The following OVGP1 variants were observed in gnomAD, a reference collection of about 807,000 sequenced individuals.
OVGP1 encodes the protein oviduct-specific glycoprotein.
Under a neutral mutation model 48.2 loss-of-function variants are expected in OVGP1, and 26 were observed. The observed-to-expected ratio is 0.54, with a 90% confidence interval of 0.40 to 0.75. The LOEUF is 0.75. Ranked by LOEUF, OVGP1 falls within the 30% of genes least tolerant of loss-of-function variation. The pLI is 0.00. For synonymous variants in OVGP1, 294 were observed against 305.7 expected (o/e 0.96, Z 0.40); for missense variants, 791 against 820.6 (o/e 0.96, Z 0.44).
chr1:111,425,453 G>C lies in OVGP1; in HGVS notation c.261-14C>G, dbSNP rs1306133718. 6.2e-7 allele frequency: 1 copy of C among 1,614,080 alleles called. No homozygotes were observed. ...AGCTCTCTGTTCCTATGATGTGAGA[G>C]AGAGGGTTGATGAGCTGGGTTCTTC... is the stretch of plus-strand genomic sequence containing the variant. On this transcript the variant is annotated splice_polypyrimidine_tract_variant and intron_variant, in intron 3 of 10. Transcript: ENST00000369732.
At position 111,424,077 on chromosome 1, in the gene OVGP1, G is replaced by C. The variant is rs935636374; in HGVS notation, c.318-369C>G. 5.9e-5 allele frequency among the ~76,000 whole-genome samples: 9 copies of C among 152,216 alleles called. 1 individual carries two copies. The highest frequency in any genetic ancestry group is 1.3e-4 in the Non-Finnish European group (9 of 68,030). The stretch of plus-strand genomic sequence containing the variant: ...GCAAGGCACTGCCCCTCTCTGTGCT[G>C]TCTCCTCATAGGTAACTACTCAATT... On this transcript the variant is annotated intron_variant, in intron 4 of 10. Coordinates refer to ENST00000369732, the MANE Select transcript of OVGP1 (RefSeq NM_002557.4).
rs541437736 is a variant in OVGP1 at position 111,421,137 on chromosome 1, G to T, written c.903+139C>A. The T allele has an allele frequency of 1.0e-4, 61 of 609,620 alleles. 2 individuals carry two copies. In the East Asian group the frequency reaches 1.5e-3, roughly 15 times the overall value. The allele number at this position is 609,620 out of a possible 1,614,324, so 37.8% of individuals were successfully genotyped here. ...AGAAAAAGAAAATATCCCAGAGAGT[G>T]GGTTTCTCTTGTACTAATAGACCAC... is the stretch of plus-strand genomic sequence containing the variant. On this transcript the variant is annotated intron_variant, in intron 8 of 10. Transcript: ENST00000369732.
At chr1:111,426,240 AAAAGT>A (rs1328002362) in intron 3 of OVGP1, among the ~76,000 whole-genome samples, 192 bp downstream of exon 3, 3 of 152,190 alleles carry the variant, frequency 2.0e-5, no homozygotes, top group Non-Finnish European at 4.4e-5. Context: ...CAGCAACTAC[AAAAGT>A]AAGGAGGCAG....
intron 4 of OVGP1, among the ~76,000 whole-genome samples, chr1:111,424,091 A>G (rs755257675): frequency 5.3e-5 from 8 of 152,184 alleles, no homozygotes; most frequent in Admixed American, 1.3e-4. Flanking sequence ...CCTCATAGGT[A>G]ACTACTCAAT....
At position 111,421,298 on chromosome 1, in the gene OVGP1, T is replaced by C. The variant is rs1652261392; in HGVS notation, c.881A>G (p.Glu294Gly). The C allele has an allele frequency of 1.2e-6, 2 of 1,609,390 alleles. No homozygotes were observed. The highest frequency in any genetic ancestry group is 2.7e-5 in the African/African-American group (2 of 74,726). ...CACCTCAAAATAAGCCAAGAAGCCTTCTTGCTTGGTGTACTTCCCTGGAGA... is the reference window on the plus strand; with the variant it reads ...CACCTCAAAATAAGCCAAGAAGCCTCCTTGCTTGGTGTACTTCCCTGGAGA... ...PASPGKYTKQ[E>G]GFLAYFEICS... Residue 294 changes from glutamate to glycine, a missense_variant, in exon 8 of 11, where the codon GAA (glutamate) becomes GGA (glycine). Physicochemically the swap from Glu to Gly is moderately conservative, Grantham distance 98. Coordinates refer to ENST00000369732, the MANE Select transcript of OVGP1 (RefSeq NM_002557.4).
At position 111,414,371 on chromosome 1, in the gene OVGP1, T is replaced by C. The variant is rs1652065522; in HGVS notation, c.*93A>G. ...AAAAGAGATTGGCCTATTCTGGTTT[T>C]GATGCCTGCTTTGCCCCGGGATGAG... On this transcript the variant is annotated 3_prime_UTR_variant, in exon 11 of 11. Transcript: ENST00000369732. 2 of 1,143,602 alleles carry C rather than the reference T, an allele frequency of 1.7e-6. No homozygotes were observed. Among genetic ancestry groups the C allele is most frequent in the Non-Finnish European group, 2.5e-6 (2 of 807,360 alleles). The allele number at this position is 1,143,602 out of a possible 1,614,324, so 70.8% of individuals were successfully genotyped here.
At chr1:111,426,370 G>A in intron 3 of OVGP1, 67 bp downstream of exon 3, 1 of 1,607,112 alleles carries the variant, frequency 6.2e-7, no homozygotes, top group Non-Finnish European at 8.5e-7. Context: ...AGTAACAGGA[G>A]AAATAGACTG....
At position 111,415,184 on chromosome 1, in the gene OVGP1, A is replaced by C; in HGVS notation, c.1317T>G (p.Cys439Trp). The part of the protein sequence containing the change: ...EAGVTEIHGK[C>W]ENMTITPRGT... ...CTCTAGGGGTTATAGTCATATTTTCACACTTTCCGTGGATCTCAGTGACCC... is the reference window on the plus strand; with the variant it reads ...CTCTAGGGGTTATAGTCATATTTTCCCACTTTCCGTGGATCTCAGTGACCC... The change falls in exon 11 of 11, where the codon TGT (cysteine) becomes TGG (tryptophan). Residue 439 changes from cysteine (C) to tryptophan (W), a missense_variant. Cys to Trp is a radical substitution (Grantham distance 215). Coordinates refer to ENST00000369732, the MANE Select transcript of OVGP1 (RefSeq NM_002557.4). The C allele has an allele frequency of 6.2e-7, 1 of 1,614,030 alleles. No individual in the cohort carries two copies. Among genetic ancestry groups the C allele is most frequent in the Non-Finnish European group, 8.5e-7 (1 of 1,179,996 alleles).
chr1:111,419,683 TAATC>T lies in OVGP1; in HGVS notation c.943_946del (p.Asp315ThrfsTer29), dbSNP rs752426305. On this transcript the variant is annotated frameshift_variant, in exon 9 of 11. Coordinates refer to ENST00000369732, the MANE Select transcript of OVGP1 (RefSeq NM_002557.4). LOFTEE classifies it high-confidence loss of function. ...CTTGTTGGCATACGGGACATACTGG[TAATC>T]AATCCAGTGCTTCTTCGCTCCCCAG... 372 of 1,613,494 alleles carry T rather than the reference TAATC, an allele frequency of 2.3e-4. 1 individual carries two copies. Among genetic ancestry groups the T allele is most frequent in the Non-Finnish European group, 3.0e-4 (359 of 1,179,630 alleles).
intron 6 of OVGP1, 38 bp from the exon 7 acceptor site, chr1:111,421,711 T>G (rs201658606): frequency 7.8e-7 from 1 of 1,283,992 alleles, no homozygotes; most frequent in African/African-American, 1.5e-5. Context: ...AAGACTGGGC[T>G]AGCCAGATTT....
intron 4 of OVGP1, among the ~76,000 whole-genome samples, chr1:111,424,148 G>A (rs1652342839): frequency 6.6e-6 from 1 of 152,234 alleles, no homozygotes. Context: ...GACTGGATTA[G>A]GGGAGAGAAC....
intron 9 of OVGP1, among the ~76,000 whole-genome samples, chr1:111,419,113 T>C (rs913560929): frequency 2.6e-5 from 4 of 152,202 alleles, no homozygotes; most frequent in South Asian, 2.1e-4. Context: ...AAAAAGCCTC[T>C]GCTTCACCCA....
rs760025278 is a variant in OVGP1, at chr1:111,419,568, T to A, written c.1020+42A>T. 20 of 1,172,582 alleles carry A rather than the reference T, an allele frequency of 1.7e-5. No homozygotes were observed. The South Asian group carries it at 2.3e-4, about 14-fold the overall frequency. 72.6% of individuals were successfully genotyped at this position (1,172,582 alleles called of 1,614,324 possible). Reference sequence around the variant, plus strand: ...CAAATAAGGACCCCATAGAAACCGGTAGGAAACCATGTGCTGGAGCATGAA... The same window carrying A: ...CAAATAAGGACCCCATAGAAACCGGAAGGAAACCATGTGCTGGAGCATGAA... On this transcript the variant is annotated intron_variant, in intron 9 of 10. Coordinates refer to ENST00000369732, the MANE Select transcript of OVGP1 (RefSeq NM_002557.4).
chr1:111,426,792 G>T (rs965378490), intron 2 of OVGP1, 151 bp from the exon 3 acceptor site: 1 of 1,547,732 alleles, frequency 6.5e-7, no homozygotes. Flanking sequence ...GAACTACACT[G>T]AGGTTCTATT....
intron 9 of OVGP1, among the ~76,000 whole-genome samples, chr1:111,419,056 C>A (rs10489792): frequency 1.3e-5 from 2 of 152,040 alleles, no homozygotes; most frequent in Non-Finnish European, 2.9e-5. Flanking sequence ...TTAAAATGCC[C>A]ACAGGATGAA....
rs1303203887 is a variant in OVGP1 at position 111,414,691 on chromosome 1, G to A, written c.1810C>T (p.His604Tyr). 4 of 1,614,058 alleles carry A rather than the reference G, an allele frequency of 2.5e-6. No individual in the cohort carries two copies. The Admixed American group carries it at 5.0e-5, about 20-fold the overall frequency. Residue 604 changes from histidine (H) to tyrosine (Y), a missense_variant, in exon 11 of 11, where the codon CAC becomes TAC. Transcript: ENST00000369732. ...AGACCCAAGTTACCCATCCTGGGGT[G>A]AGTGCCCACCTCAGAAGTCAAATTC... ...GENLTSEVGTHPRMGNLGLQM... is the reference protein window; with the variant it reads ...GENLTSEVGTYPRMGNLGLQM...
chr1:111,421,317 C>T lies in OVGP1; in HGVS notation c.862G>A (p.Gly288Arg). The T allele has an allele frequency of 1.2e-6, 2 of 1,613,088 alleles. No individual in the cohort carries two copies. The highest frequency in any genetic ancestry group is 1.7e-6 in the Non-Finnish European group (2 of 1,179,716). ...QARAIGPASP[G>R]KYTKQEGFLA... is the part of the protein sequence containing the mutation. ...AAGCCTTCTTGCTTGGTGTACTTCC[C>T]TGGAGATGCTGGTCCGATCGCTCTG... Residue 288 changes from glycine to arginine, a missense_variant, in exon 8 of 11, where the codon GGG becomes AGG. By Grantham distance (125) the Gly-to-Arg change is moderately radical. Transcript: ENST00000369732.
In OVGP1 at chr1:111,414,463, C is replaced by T. The variant is rs1652067862; in HGVS notation, c.*1G>A. ...TCCCTGGTTTCTGACACCAGAGGGG[C>T]TTAGGCTTCTTCATCCACAGCAGAG... is the stretch of plus-strand genomic sequence containing the variant. On this transcript the variant is annotated 3_prime_UTR_variant, in exon 11 of 11. Coordinates refer to ENST00000369732, the MANE Select transcript of OVGP1 (RefSeq NM_002557.4). 1.9e-6 allele frequency: 3 copies of T among 1,608,396 alleles called. No homozygotes were observed. The East Asian group carries it at 6.7e-5, about 36-fold the overall frequency.
intron 6 of OVGP1, 114 bp downstream of exon 6, chr1:111,422,810 ACGT>A (rs1652302161): frequency 8.4e-7 from 1 of 1,195,710 alleles, no homozygotes; most frequent in Admixed American, 1.8e-5. Context: ...ACTTGCACTG[ACGT>A]CAGGGCAGGC....
Sources: gnomAD v4.1 joint callset for allele counts (sites outside exome capture counted in the v4.1 genomes callset) on GRCh38, gnomAD v4.1.1 for gene constraint, MANE v1.5 for transcripts, NCBI Gene and HGNC (gene_info 2026-07-23, HGNC 2026-07-21) for gene names.